FKBP14: variants seen among roughly 807,000 people sequenced by gnomAD.
FKBP14 encodes FKBP prolyl isomerase 14.
Under a neutral mutation model 21.6 loss-of-function variants are expected in FKBP14, and 20 were observed. The observed-to-expected ratio is 0.92, with a 90% CI of 0.65 to 1.34. The LOEUF is 1.34. FKBP14 is among the 40% of genes most tolerant of loss of function. FKBP14 has a pLI of 0.00. For missense variants in FKBP14, 253 were observed against 249.0 expected (o/e 1.02, Z -0.11); for synonymous variants, 79 against 86.7 (o/e 0.91, Z 0.49).
chr7:30,009,018 G>C (rs2127944331), downstream of FKBP14, among the ~76,000 whole-genome samples: 1 of 151,950 alleles, frequency 6.6e-6, no homozygotes, highest in Middle Eastern at 3.4e-3. Flanking sequence ...GTAATGCATA[G>C]TAATGCTTTT....
intron 1 of FKBP14, among the ~76,000 whole-genome samples, chr7:30,024,408 T>C (rs1205984303): frequency 6.6e-6 from 1 of 152,210 alleles, no homozygotes; most frequent in Non-Finnish European, 1.5e-5. Context: ...TGATGGTATT[T>C]CTTTTTCTTC....
chr7:30,022,849 T>G, intron 1 of FKBP14, 33 bp from the exon 2 acceptor site: 1 of 1,578,142 alleles, frequency 6.3e-7, no homozygotes, highest in Non-Finnish European at 8.6e-7. Context: ...TAGAACTCCT[T>G]ATTAACTCTA....
chr7:30,023,861 C>T (rs1361616000), intron 1 of FKBP14, among the ~76,000 whole-genome samples: 2 of 152,186 alleles, frequency 1.3e-5, no homozygotes, highest in Admixed American at 1.3e-4. Flanking sequence ...ATTCGATTAC[C>T]TCCCACCAGG....
chr7:30,022,556 C>A, intron 2 of FKBP14, 109 bp downstream of exon 2: 1 of 1,117,316 alleles, frequency 9.0e-7, no homozygotes, highest in Non-Finnish European at 1.2e-6. Context: ...TACATACCCC[C>A]TATTAACTTC....
chr7:30,008,321 C>T (rs1320921515), downstream of FKBP14: 1 of 152,062 alleles, frequency 6.6e-6, no homozygotes, highest in Non-Finnish European at 1.5e-5. Context: ...GTAAAGGAGA[C>T]CAAAACAGTA....
rs1348074546 is a variant in FKBP14, at chr7:30,026,418, C to T, written c.91G>A (p.Val31Ile). ...LIPEPEVKIE[V>I]LQKPFICHRK... ...TGGCAGATGAATGGCTTCTGGAGAA[C>T]TTCAATTTTCACTTCTGGTTCAGGG... The change falls in exon 1 of 4, where the codon GTT (valine) becomes ATT (isoleucine). Residue 31 changes from valine to isoleucine, a missense_variant. By Grantham distance (29) the Val-to-Ile change is conservative. Transcript: ENST00000222803. 6.2e-7 allele frequency: 1 copy of T among 1,614,084 alleles called. No homozygotes were observed. Among genetic ancestry groups the T allele is most frequent in the Non-Finnish European group, 8.5e-7 (1 of 1,180,034 alleles).
rs1342693659 is a variant in FKBP14, at chr7:30,012,593, T to C, written c.*2142A>G. 1 of 152,188 alleles carries C rather than the reference T, an allele frequency of 6.6e-6. No homozygotes were observed. Among genetic ancestry groups the C allele is most frequent in the Non-Finnish European group, 1.5e-5 (1 of 68,038 alleles). The allele number at this position is 152,188 out of a possible 1,614,324, so 9.4% of individuals were successfully genotyped here. A position where few individuals can be genotyped will look rare whatever the true frequency, so the allele number is the denominator to read the frequency against. ...GAGGAAAATGTCAACATATAATCAG[T>C]GAAAGTGGTCTACATATGATGTAAT... On this transcript the variant is annotated 3_prime_UTR_variant, in exon 4 of 4. Coordinates refer to ENST00000222803, the MANE Select transcript of FKBP14 (RefSeq NM_017946.4).
chr7:30,020,127 G>T, intron 2 of FKBP14: 1 of 589,020 alleles, frequency 1.7e-6, no homozygotes, highest in Non-Finnish European at 2.4e-6. Flanking sequence ...ATATTTCTTA[G>T]TCATCCTCCC....
rs935783818 is a variant in FKBP14 at position 30,022,764 on chromosome 7, C to A, written c.250G>T (p.Ala84Ser). ...PIWFTLGILE[A>S]LKGWDQGLKG... is the part of the protein sequence containing the mutation. ...AAGCCCTGGTCCCAACCTTTGAGAG[C>A]CTCCAGGATGCCCAGGGTAAACCAA... Residue 84 changes from alanine to serine, a missense_variant, in exon 2 of 4, where the codon GCT becomes TCT. Coordinates refer to ENST00000222803, the MANE Select transcript of FKBP14 (RefSeq NM_017946.4). 6.2e-7 allele frequency: 1 copy of A among 1,614,148 alleles called. No individual in the cohort carries two copies. Among genetic ancestry groups the A allele is most frequent in the South Asian group, 1.1e-5 (1 of 91,080 alleles).
rs1229570216 is a variant in FKBP14 at position 30,019,026 on chromosome 7, A to G, written c.447T>C (p.Leu149=). ...RSHESFQEMD[L]NDDWKLSKDE... The stretch of plus-strand genomic sequence containing the variant: ...CTTTAGAGAGTTTCCAGTCATCATT[A>G]AGATCCATTTCTTGGAATGATTCAT... The change falls in exon 3 of 4, where the codon CTT becomes CTC. Residue 149 remains leucine, a synonymous_variant. Coordinates refer to ENST00000222803, the MANE Select transcript of FKBP14 (RefSeq NM_017946.4). The G allele has an allele frequency of 1.9e-6, 3 of 1,609,098 alleles. No individual in the cohort carries two copies. In the African/African-American group the frequency reaches 4.0e-5, roughly 22 times the overall value.
rs748654295 is a variant in FKBP14 at position 30,026,303 on chromosome 7, A to T, written c.197+9T>A. ...ATTACTATTTTACCTGCGGGGCATA[A>T]TTACTTACGTGGAGTGAAATAAGGA... On this transcript the variant is annotated intron_variant, in intron 1 of 3. Coordinates refer to ENST00000222803, the MANE Select transcript of FKBP14 (RefSeq NM_017946.4). 6.3e-7 allele frequency: 1 copy of T among 1,593,244 alleles called. No homozygotes were observed. The highest frequency in any genetic ancestry group is 1.1e-5 in the South Asian group (1 of 89,586).
At chr7:30,022,934 A>G in intron 1 of FKBP14, 118 bp from the exon 2 acceptor site, 2 of 880,496 alleles carry the variant, frequency 2.3e-6, no homozygotes, top group East Asian at 2.7e-5. Context: ...AAATACAGCA[A>G]TTCTGTATTT....
intron 3 of FKBP14, among the ~76,000 whole-genome samples, chr7:30,015,635 T>C (rs1036262426): frequency 4.1e-5 from 6 of 147,470 alleles, no homozygotes; most frequent in African/African-American, 2.5e-5. Context: ...TCTTTTTTTT[T>C]TTTTTTTTGA....
At chr7:30,006,507 A>T (rs965974020), downstream of FKBP14, among the ~76,000 whole-genome samples, 13 of 152,038 alleles carry the variant, frequency 8.6e-5, no homozygotes, top group East Asian at 1.9e-4. Flanking sequence ...TTCTGAAAAA[A>T]ATATATATAG....
At chr7:30,024,596 C>G (rs894257671) in intron 1 of FKBP14, among the ~76,000 whole-genome samples, 1 of 152,160 alleles carries the variant, frequency 6.6e-6, no homozygotes, top group African/African-American at 2.4e-5. Context: ...CGGGGTTTCA[C>G]CATGTTGGCC....
chr7:30,018,865 G>A (rs914372667), intron 3 of FKBP14, 131 bp downstream of exon 3: 7 of 885,344 alleles, frequency 7.9e-6, no homozygotes, highest in Non-Finnish European at 1.1e-5. Context: ...ATAAATAAAT[G>A]TTACCTAAAT....
chr7:30,022,218 GTTAA>G (rs1790049163), intron 2 of FKBP14, among the ~76,000 whole-genome samples: 1 of 152,102 alleles, frequency 6.6e-6, no homozygotes, highest in Admixed American at 6.6e-5. Context: ...AAACACTTAC[GTTAA>G]TGGATCTTTC....
chr7:30,019,204 AT>A (rs201148376), intron 2 of FKBP14, 81 bp from the exon 3 acceptor site: 340 of 1,396,648 alleles, frequency 2.4e-4, no homozygotes, highest in East Asian at 1.6e-3. Flanking sequence ...TGGACAAAGT[AT>A]TTTTTTTAAC....
In FKBP14 at chr7:30,026,354, T is replaced by C. The variant is rs138774873; in HGVS notation, c.155A>G (p.Tyr52Cys). 5 of 1,614,076 alleles carry C rather than the reference T, an allele frequency of 3.1e-6. No homozygotes were observed. The South Asian group carries it at 3.3e-5, about 11-fold the overall frequency. ...GCCGTCCTTTTCTAAGTAGCCTTCA[T>C]AGTGGACCAACATCAAATCCCCTCC... ...TKGGDLMLVH[Y>C]EGYLEKDGSL... is the part of the protein sequence containing the mutation. The change falls in exon 1 of 4, where the codon TAT (tyrosine) becomes TGT (cysteine). Residue 52 changes from tyrosine to cysteine, a missense_variant. By Grantham distance (194) the Tyr-to-Cys change is radical. Coordinates refer to ENST00000222803, the MANE Select transcript of FKBP14 (RefSeq NM_017946.4).
Sources: gnomAD v4.1 joint callset for allele counts (sites outside exome capture counted in the v4.1 genomes callset) on GRCh38, gnomAD v4.1.1 for gene constraint, MANE v1.5 for transcripts, NCBI Gene and HGNC (gene_info 2026-07-23, HGNC 2026-07-21) for gene names.